SEPTIN4: variants seen among roughly 807,000 people sequenced by gnomAD.
SEPTIN4 encodes septin 4.
SEPTIN4 carries 52 observed loss-of-function variants against 107.1 expected under a neutral mutation model. The observed-to-expected ratio is 0.49, with a 90% CI of 0.39 to 0.61. The LOEUF (loss-of-function observed/expected upper bound fraction) is 0.61, where lower values mean the gene tolerates loss of function less well. SEPTIN4 is among the 20% of genes least tolerant of loss of function. The pLI is 0.00. For synonymous variants in SEPTIN4, 417 were observed against 467.0 expected (o/e 0.89, Z 1.38); for missense variants, 1,048 against 1,243.5 (o/e 0.84, Z 2.36).
At chr17:58,537,263 A>T (rs1418589221) in intron 3 of SEPTIN4, among the ~76,000 whole-genome samples, 1 of 152,234 alleles carries the variant, frequency 6.6e-6, no homozygotes, top group Non-Finnish European at 1.5e-5. Context: ...CACAGCTTGT[A>T]TTAGGTGACC....
At position 58,521,980 on chromosome 17, in the gene SEPTIN4, G is replaced by T. The variant is rs1297556674; in HGVS notation, c.2338C>A (p.Pro780Thr). 1.2e-6 allele frequency: 2 copies of T among 1,614,242 alleles called. No individual in the cohort carries two copies. The highest frequency in any genetic ancestry group is 4.5e-5 in the East Asian group (2 of 44,890). ...CTTGGACCATACCCATGGCCGAAGG[G>T]TGAGATGAAGTACAGGCAGCAGTGC... ...RVHCCLYFIS[P>T]FGHGLRPLDV... The change falls in exon 8 of 14, where the codon CCC becomes ACC. Residue 780 changes from proline (P) to threonine (T), a missense_variant. Pro to Thr is a conservative substitution (Grantham distance 38). Transcript: ENST00000672673. The surrounding 1 kb of genome is among the most constrained non-coding windows in gnomAD (Gnocchi z 6.4).
rs561676086 is a variant in SEPTIN4 at position 58,526,757 on chromosome 17, A to G, written c.1836T>C (p.Cys612=). ...PQSSDNQQYF[C]APAPLSPSAR... ...CAGATGGGCTGAGAGGGGCTGGGGC[A>G]CAGAAGTACTGCTGGTTGTCAGAGG... Residue 612 remains cysteine (C), a synonymous_variant, in exon 4 of 14, where the codon TGT becomes TGC. Transcript: ENST00000672673. 3.8e-5 allele frequency: 61 copies of G among 1,613,060 alleles called. No individual in the cohort carries two copies. Among genetic ancestry groups the G allele is most frequent in the Non-Finnish European group, 4.7e-5 (56 of 1,179,720 alleles).
At chr17:58,540,519 G>A (rs950172459) in intron 3 of SEPTIN4, 147 bp downstream of exon 3, 3 of 525,594 alleles carry the variant, frequency 5.7e-6, no homozygotes, top group South Asian at 7.5e-5. Flanking sequence ...CCTCTACCAG[G>A]TGCTCTTGTG....
intron 3 of SEPTIN4, chr17:58,527,187 A>C (rs766209071): frequency 8.6e-5 from 79 of 914,936 alleles, no homozygotes; most frequent in Non-Finnish European, 1.8e-5. Context: ...CCAATATGCC[A>C]GGAAGGGTCC....
At position 58,542,613 on chromosome 17, in the gene SEPTIN4, C is replaced by T; in HGVS notation, c.1561+13G>A. Reference sequence around the variant, plus strand: ...ATTGGGGCTGCACCTGGGCAGTCTGCTTCTTCACATACCCAGGAAGAAAGC... The same window carrying T: ...ATTGGGGCTGCACCTGGGCAGTCTGTTTCTTCACATACCCAGGAAGAAAGC... On this transcript the variant is annotated intron_variant, in intron 1 of 13. Transcript: ENST00000672673. 1.3e-6 allele frequency: 2 copies of T among 1,598,358 alleles called. No homozygotes were observed. The highest frequency in any genetic ancestry group is 1.7e-6 in the Non-Finnish European group (2 of 1,172,966).
At chr17:58,525,308 GC>G in intron 6 of SEPTIN4, 107 bp from the exon 7 acceptor site, 1 of 1,372,212 alleles carries the variant, frequency 7.3e-7, no homozygotes, top group Non-Finnish European at 1.0e-6. Flanking sequence ...AATCCACACT[GC>G]CCCCTTCTCC....
At chr17:58,525,348 C>T (rs980541420) in intron 6 of SEPTIN4, 147 bp from the exon 7 acceptor site, 5 of 966,974 alleles carry the variant, frequency 5.2e-6, no homozygotes, top group African/African-American at 1.6e-5. Context: ...GGACTGTTCT[C>T]TGGGAACCAG....
At chr17:58,534,274 C>T (rs1247061959) in intron 3 of SEPTIN4, among the ~76,000 whole-genome samples, 1 of 152,246 alleles carries the variant, frequency 6.6e-6, no homozygotes, top group Non-Finnish European at 1.5e-5. Context: ...GCCCTGCATG[C>T]TAACCTACTG....
Position 58,526,958 on chromosome 17 carries a change from G to A in SEPTIN4, c.1635C>T (p.Asp545=), listed in dbSNP as rs745645051. Residue 545 remains aspartate, a synonymous_variant, in exon 4 of 14, where the codon GAC becomes GAT. Transcript: ENST00000672673. ...KDEEIKRFLE[D]TTDDGELSKF... ...TGCTCAGTTCTCCATCATCCGTGGT[G>A]TCCTCCAGGAAACGCTTGATCTGGG... 2 of 1,614,136 alleles carry A rather than the reference G, an allele frequency of 1.2e-6. No individual in the cohort carries two copies. The highest frequency in any genetic ancestry group is 3.3e-5 in the Admixed American group (2 of 60,018).
intron 3 of SEPTIN4, among the ~76,000 whole-genome samples, chr17:58,537,332 A>C (rs149677646): frequency 5.2e-4 from 79 of 152,278 alleles, no homozygotes; most frequent in African/African-American, 1.7e-3. Context: ...TTTCAGTGCT[A>C]AAACCAGCAA....
chr17:58,540,237 T>TAGTGTGTAACCCAAAA (rs2043840597), intron 3 of SEPTIN4, among the ~76,000 whole-genome samples: 8 of 152,102 alleles, frequency 5.3e-5, no homozygotes, highest in Admixed American at 5.2e-4. Flanking sequence ...AGGACCCAAA[T>TAGTGTGTAACCCAAAA]AGTGTGTAAC....
Position 58,543,124 on chromosome 17 carries a change from C to T in SEPTIN4, c.1063G>A (p.Val355Met). The T allele has an allele frequency of 6.2e-7, 1 of 1,612,232 alleles. No homozygotes were observed. Among genetic ancestry groups the T allele is most frequent in the Non-Finnish European group, 8.5e-7 (1 of 1,178,768 alleles). Residue 355 changes from valine (V) to methionine (M), a missense_variant, in exon 1 of 14, where the codon GTG (valine) becomes ATG (methionine). Around this residue, in one of 2 missense-constraint regions of SEPTIN4, gnomAD observed 787 missense variants for 871.8 expected, o/e 0.90. Coordinates refer to ENST00000672673, the MANE Select transcript of SEPTIN4 (RefSeq NM_001368771.2). ...GATGACTTGTGGGAGCCCTCAGACA[C>T]TGATGGAACTGTCACATGGTGAGTT... ...EPTHHVTVPS[V>M]SEGSHKSSMF...
chr17:58,533,941 T>G (rs964241128), intron 3 of SEPTIN4, among the ~76,000 whole-genome samples: 2 of 152,156 alleles, frequency 1.3e-5, no homozygotes, highest in African/African-American at 4.8e-5. Context: ...TTTCCTCTAT[T>G]ATAACATGCC....
chr17:58,523,296 G>A (rs1463218350), intron 7 of SEPTIN4, among the ~76,000 whole-genome samples: 1 of 151,322 alleles, frequency 6.6e-6, no homozygotes, highest in Non-Finnish European at 1.5e-5. Flanking sequence ...GATAACCTGA[G>A]CCCGGGGAGC....
At chr17:58,529,453 C>T in intron 3 of SEPTIN4, 1 of 1,347,654 alleles carries the variant, frequency 7.4e-7, no homozygotes, top group Non-Finnish European at 9.6e-7. Context: ...TCTGCAGTCC[C>T]CTCCTCCTCT....
intron 3 of SEPTIN4, chr17:58,531,899 A>G: frequency 8.9e-7 from 1 of 1,121,576 alleles, no homozygotes. Context: ...GCCGCCCGGG[A>G]GCGACCGGCC....
Position 58,543,241 on chromosome 17 carries a change from G to T in SEPTIN4, c.946C>A (p.Gln316Lys). The T allele has an allele frequency of 6.2e-7, 1 of 1,614,158 alleles. No individual in the cohort carries two copies. The highest frequency in any genetic ancestry group is 8.5e-7 in the Non-Finnish European group (1 of 1,180,040). ...GGGGTCCTCACGTTGGACTCCACCT[G>T]TGATGATACTAAGACCTTTGCGGAG... ...KPSAKVLVSS[Q>K]VESNVRTPIR... Residue 316 changes from glutamine to lysine, a missense_variant, in exon 1 of 14, where the codon CAG (glutamine) becomes AAG (lysine). Physicochemically the swap from Gln to Lys is moderately conservative, Grantham distance 53. Around this residue, in one of 2 missense-constraint regions of SEPTIN4, gnomAD observed 787 missense variants for 871.8 expected, o/e 0.90. Coordinates refer to ENST00000672673, the MANE Select transcript of SEPTIN4 (RefSeq NM_001368771.2).
chr17:58,526,832 CG>C lies in SEPTIN4; in HGVS notation c.1760del (p.Pro587ArgfsTer71). 1 of 1,613,708 alleles carries C rather than the reference CG, an allele frequency of 6.2e-7. No homozygotes were observed. Among genetic ancestry groups the C allele is most frequent in the African/African-American group, 1.3e-5 (1 of 74,980 alleles). On this transcript the variant is annotated frameshift_variant, in exon 4 of 14. Coordinates refer to ENST00000672673, the MANE Select transcript of SEPTIN4 (RefSeq NM_001368771.2). LOFTEE classifies it high-confidence loss of function. ...PQVPEPRPQAPDLYDDDLEFR... is the reference protein window; with the variant it reads ...PQVPEPRPQAXDLYDDDLEFR... Reference sequence around the variant, plus strand: ...ACTCCAGGTCATCATCATAGAGGTCCGGGGCCTGGGGCCTTGGCTCCGGGAC... The same window carrying C: ...ACTCCAGGTCATCATCATAGAGGTCCGGGCCTGGGGCCTTGGCTCCGGGAC...
intron 3 of SEPTIN4, chr17:58,529,157 TCC>T: frequency 6.2e-7 from 1 of 1,614,186 alleles, no homozygotes; most frequent in Non-Finnish European, 8.5e-7. Flanking sequence ...TCCCTTGCCA[TCC>T]CAGTGAACGG....
Sources: gnomAD v4.1 joint callset for allele counts (sites outside exome capture counted in the v4.1 genomes callset) on GRCh38, gnomAD v4.1.1 for gene constraint, gnomAD v4.1.1 regional missense constraint, Gnocchi (gnomAD v3.1) non-coding constraint, MANE v1.5 for transcripts, NCBI Gene and HGNC (gene_info 2026-07-23, HGNC 2026-07-21) for gene names.